SETBP1: variants seen among roughly 807,000 people sequenced by gnomAD.
SETBP1 encodes the protein SET binding protein 1.
Under a neutral mutation model 101.0 loss-of-function variants are expected in SETBP1, and 9 were observed. That is an observed-to-expected ratio of 0.09 (90% CI 0.05 to 0.16). The LOEUF is 0.16. SETBP1 is among the 10% of genes least tolerant of loss of function. SETBP1 has a pLI of 1.00. For missense variants in SETBP1, 1,858 were observed against 2,033.8 expected (o/e 0.91, Z 1.66); for synonymous variants, 818 against 788.5 (o/e 1.04, Z -0.63).
chr18:44,714,688 C>G (rs941624344), intron 2 of SETBP1, among the ~76,000 whole-genome samples: 8 of 151,704 alleles, frequency 5.3e-5, no homozygotes, highest in Admixed American at 5.3e-4. Context: ...CATCTTAATT[C>G]TAGAAGTACC....
chr18:44,692,970 T>A (rs2068958675), intron 1 of SETBP1, among the ~76,000 whole-genome samples: 1 of 152,156 alleles, frequency 6.6e-6, no homozygotes. Flanking sequence ...ACCACACAAG[T>A]GCAGAGTATA....
chr18:44,747,876 T>G (rs140903831), intron 2 of SETBP1, among the ~76,000 whole-genome samples: 65 of 152,356 alleles, frequency 4.3e-4, no homozygotes, highest in African/African-American at 1.5e-3. Context: ...GGTCACAAGC[T>G]GATATCTAGG....
intron 3 of SETBP1, among the ~76,000 whole-genome samples, chr18:44,943,464 A>T (rs2071130336): frequency 6.6e-6 from 1 of 152,202 alleles, no homozygotes. Context: ...CTTAACCCAG[A>T]CCCTGTCTTT....
intron 4 of SETBP1, among the ~76,000 whole-genome samples, chr18:44,972,062 A>G (rs1368818191): frequency 1.3e-5 from 2 of 152,200 alleles, no homozygotes; most frequent in Admixed American, 1.3e-4. Flanking sequence ...ATAAGGTGTA[A>G]GGAAGGGATC....
At chr18:44,996,774 C>T in intron 4 of SETBP1, among the ~76,000 whole-genome samples, 1 of 152,140 alleles carries the variant, frequency 6.6e-6, no homozygotes, top group East Asian at 1.9e-4. Context: ...GCTGCTACTC[C>T]TATACTCTTC....
intron 2 of SETBP1, among the ~76,000 whole-genome samples, chr18:44,772,130 TG>T (rs758502270): frequency 1.7e-4 from 26 of 152,154 alleles, no homozygotes; most frequent in Non-Finnish European, 2.6e-4. Flanking sequence ...CACCTCCTGT[TG>T]TTCCTCAGCA....
At chr18:44,748,645 C>T (rs568208776) in intron 2 of SETBP1, among the ~76,000 whole-genome samples, 12 of 151,998 alleles carry the variant, frequency 7.9e-5, no homozygotes, top group South Asian at 4.1e-4. Flanking sequence ...GCACCATGTG[C>T]GTGCTTGTGC....
chr18:44,855,284 T>C (rs1463475084), intron 2 of SETBP1, among the ~76,000 whole-genome samples: 1 of 152,034 alleles, frequency 6.6e-6, no homozygotes, highest in Non-Finnish European at 1.5e-5. Context: ...CGTTTTGGGG[T>C]TTTTATTTGT....
At chr18:44,777,133 T>C (rs2071020521) in intron 2 of SETBP1, among the ~76,000 whole-genome samples, 2 of 151,972 alleles carry the variant, frequency 1.3e-5, no homozygotes, top group Non-Finnish European at 2.9e-5. Flanking sequence ...CTGCACAACA[T>C]AGTGAGACCC....
At chr18:44,964,967 T>C (rs2071689654) in intron 4 of SETBP1, among the ~76,000 whole-genome samples, 1 of 152,186 alleles carries the variant, frequency 6.6e-6, no homozygotes, top group African/African-American at 2.4e-5. Flanking sequence ...CAGGAGGAAT[T>C]GGGCGTGAAA....
intron 2 of SETBP1, among the ~76,000 whole-genome samples, chr18:44,771,616 G>A (rs983302848): frequency 5.9e-5 from 9 of 152,144 alleles, no homozygotes; most frequent in Admixed American, 5.2e-4. Context: ...AGACACCCAC[G>A]GTGAGGAGGA....
intron 2 of SETBP1, among the ~76,000 whole-genome samples, chr18:44,788,790 A>ATTTTTTTTTTTTTTTTTTTTTTTTTT (rs34929410): frequency 2.5e-5 from 2 of 80,434 alleles, no homozygotes; most frequent in African/African-American, 5.3e-5. Flanking sequence ...TTCCTTTTTA[A>ATTTTTTTTTTTTTTTTTTTTTTTTTT]TTTTTTTTTT....
At chr18:44,965,887 G>A (rs2071711475) in intron 4 of SETBP1, among the ~76,000 whole-genome samples, 1 of 152,144 alleles carries the variant, frequency 6.6e-6, no homozygotes, top group Admixed American at 6.5e-5. Context: ...CACCTACAGT[G>A]TCCCTGGGAC....
In SETBP1 at chr18:45,065,085, T is replaced by C. The variant is rs1424564438; in HGVS notation, c.*1387T>C. 6.6e-6 allele frequency: 1 copy of C among 152,226 alleles called. No homozygotes were observed. Among genetic ancestry groups the C allele is most frequent in the Non-Finnish European group, 1.5e-5 (1 of 68,032 alleles). 9.4% of individuals were successfully genotyped at this position (152,226 alleles called of 1,614,324 possible). On this transcript the variant is annotated 3_prime_UTR_variant, in exon 6 of 6. Transcript: ENST00000649279. Reference sequence around the variant, plus strand: ...TGTGTGTGACAAATCGTCTTTTAAATGGTCAATTTCAGCTGTACATTTCTC... The same window carrying C: ...TGTGTGTGACAAATCGTCTTTTAAACGGTCAATTTCAGCTGTACATTTCTC...
intron 5 of SETBP1, among the ~76,000 whole-genome samples, chr18:45,039,198 T>A (rs926144079): frequency 6.6e-6 from 1 of 152,154 alleles, no homozygotes; most frequent in Non-Finnish European, 1.5e-5. Flanking sequence ...CTTCTACCCA[T>A]GAATTGATGA....
intron 4 of SETBP1, among the ~76,000 whole-genome samples, chr18:44,990,375 G>A (rs1221727038): frequency 6.6e-6 from 1 of 152,056 alleles, no homozygotes; most frequent in African/African-American, 2.4e-5. Flanking sequence ...GGGAGAATCA[G>A]TTGAGGCCAG....
intron 3 of SETBP1, among the ~76,000 whole-genome samples, chr18:44,922,160 A>G (rs1260685776): frequency 6.6e-6 from 1 of 152,248 alleles, no homozygotes; most frequent in Non-Finnish European, 1.5e-5. Flanking sequence ...CTTATAGATT[A>G]GGATAGTAAG....
chr18:44,826,866 T>C (rs925154346), intron 2 of SETBP1, among the ~76,000 whole-genome samples: 4 of 152,156 alleles, frequency 2.6e-5, no homozygotes, highest in Non-Finnish European at 4.4e-5. Flanking sequence ...GGTTCAAACA[T>C]TGGTTTGTTT....
At chr18:45,009,394 C>T (rs1044945336) in intron 4 of SETBP1, among the ~76,000 whole-genome samples, 8 of 151,136 alleles carry the variant, frequency 5.3e-5, no homozygotes, top group East Asian at 1.9e-4. Context: ...ATAATGACTG[C>T]GCTGGTTTTT....
Sources: allele counts gnomAD v4.1 joint callset (sites outside exome capture counted in the v4.1 genomes callset), GRCh38; gene constraint gnomAD v4.1.1; transcripts MANE v1.5; gene names NCBI Gene and HGNC (gene_info 2026-07-23, HGNC 2026-07-21).